PCDH15: variants seen among roughly 807,000 people sequenced by gnomAD.
PCDH15 encodes the protein protocadherin related 15, also known as protocadherin-15.
A neutral mutation model predicts 178.5 loss-of-function variants in PCDH15; 129 were observed. The observed-to-expected ratio is 0.72, with a 90% CI of 0.63 to 0.84. PCDH15 has a LOEUF of 0.84. PCDH15 is among the 40% of genes least tolerant of loss of function. The pLI is 0.00. For synonymous variants in PCDH15, 800 were observed against 732.0 expected, an observed-to-expected ratio of 1.09 and a Z score of -1.50; for missense variants, 2,230 against 2,099.9, an observed-to-expected ratio of 1.06 and a Z score of -1.21.
intron 2 of PCDH15, among the ~76,000 whole-genome samples, chr10:55,335,974 A>C (rs77040462): frequency 0.011 from 1,667 of 152,168 alleles, 33 homozygotes; most frequent in African/African-American, 0.038. Context: ...CCACAACTTT[A>C]AAAATACTTT....
At chr10:53,906,898 T>C (rs1443704453) in intron 25 of PCDH15, 1 of 152,084 alleles carries the variant, frequency 6.6e-6, no homozygotes, top group African/African-American at 2.4e-5. Context: ...GTTTGGGTCA[T>C]GTGCTTGCTC....
intron 15 of PCDH15, among the ~76,000 whole-genome samples, chr10:54,129,743 C>T (rs1038519868): frequency 1.3e-5 from 2 of 152,086 alleles, no homozygotes; most frequent in Admixed American, 6.6e-5. Context: ...ATACTGAAGT[C>T]CCACAGTGGG....
At chr10:54,762,551 T>C (rs528560771) in intron 1 of PCDH15, among the ~76,000 whole-genome samples, 3 of 152,204 alleles carry the variant, frequency 2.0e-5, no homozygotes, top group African/African-American at 4.8e-5. Context: ...CACCATACTA[T>C]TGAGATTTTA....
intron 23 of PCDH15, among the ~76,000 whole-genome samples, chr10:53,943,111 C>A (rs2086212617): frequency 6.6e-6 from 1 of 152,026 alleles, no homozygotes; most frequent in Admixed American, 6.6e-5. Context: ...TTATACTTTC[C>A]ATAATTCATC....
intron 3 of PCDH15, among the ~76,000 whole-genome samples, chr10:54,503,919 T>C (rs2080942811): frequency 1.3e-5 from 2 of 152,068 alleles, no homozygotes; most frequent in African/African-American, 4.8e-5. Flanking sequence ...GTTCCCCTGA[T>C]GCCTGAGGCC....
At chr10:54,813,535 G>C (rs2133731965) in intron 3 of PCDH15, among the ~76,000 whole-genome samples, 1 of 152,210 alleles carries the variant, frequency 6.6e-6, no homozygotes, top group South Asian at 2.1e-4. Flanking sequence ...CGGGGTGGGG[G>C]ATCACTTTCA....
At chr10:54,889,416 G>T in intron 3 of PCDH15, among the ~76,000 whole-genome samples, 1 of 150,546 alleles carries the variant, frequency 6.6e-6, no homozygotes, top group African/African-American at 2.4e-5. Context: ...CCCCAAACAC[G>T]CGCACAGAAC....
At chr10:55,506,694 G>A (rs1401806223) in intron 2 of PCDH15, among the ~76,000 whole-genome samples, 1 of 151,490 alleles carries the variant, frequency 6.6e-6, no homozygotes, top group Non-Finnish European at 1.5e-5. Flanking sequence ...ATAATTTATA[G>A]AAGTGTATAT....
At chr10:54,425,451 T>C (rs912690789) in intron 3 of PCDH15, among the ~76,000 whole-genome samples, 1 of 152,134 alleles carries the variant, frequency 6.6e-6, no homozygotes, top group African/African-American at 2.4e-5. Flanking sequence ...CCCATCGACC[T>C]TGGATTTCCA....
chr10:53,901,593 A>G (rs1417271180), intron 26 of PCDH15, among the ~76,000 whole-genome samples: 2 of 152,184 alleles, frequency 1.3e-5, no homozygotes, highest in African/African-American at 4.8e-5. Context: ...GGATGATGTC[A>G]TAACTGTTTA....
chr10:55,085,260 G>A (rs1253074155), intron 2 of PCDH15, among the ~76,000 whole-genome samples: 1 of 151,904 alleles, frequency 6.6e-6, no homozygotes, highest in African/African-American at 2.4e-5. Context: ...GCCAGGCACA[G>A]AAAGACAAAC....
At chr10:54,311,776 A>G (rs879673788) in intron 8 of PCDH15, among the ~76,000 whole-genome samples, 1 of 152,104 alleles carries the variant, frequency 6.6e-6, no homozygotes, top group Non-Finnish European at 1.5e-5. Context: ...AGTTGTTTAT[A>G]TTAGAAAACC....
At chr10:54,630,060 A>G (rs916011731) in intron 2 of PCDH15, among the ~76,000 whole-genome samples, 1 of 152,194 alleles carries the variant, frequency 6.6e-6, no homozygotes, top group Admixed American at 6.5e-5. Flanking sequence ...AAGGAGAATT[A>G]CAAAATACTG....
At chr10:53,809,439 G>A (rs1045277408) in intron 37 of PCDH15, 15 of 1,613,844 alleles carry the variant, frequency 9.3e-6, no homozygotes, top group African/African-American at 1.3e-5. Context: ...TCCATGTTGT[G>A]TATGTAGGCT....
chr10:55,381,233 T>C (rs1231004278), intron 2 of PCDH15, among the ~76,000 whole-genome samples: 1 of 152,130 alleles, frequency 6.6e-6, no homozygotes, highest in Non-Finnish European at 1.5e-5. Context: ...AAGGGTCCTG[T>C]AGACAGAATC....
chr10:54,313,678 T>TG (rs35670202), intron 8 of PCDH15, among the ~76,000 whole-genome samples: 39,353 of 152,006 alleles, frequency 0.26, 6,371 homozygotes, highest in Middle Eastern at 0.38. Context: ...ATTCAACACA[T>TG]GCAACCAGTT....
intron 2 of PCDH15, among the ~76,000 whole-genome samples, chr10:55,123,982 T>C (rs1157105376): frequency 5.3e-5 from 8 of 152,100 alleles, no homozygotes; most frequent in African/African-American, 1.2e-4. Flanking sequence ...CTGGTAACCA[T>C]AGCAGTGTCT....
chr10:55,238,450 G>A (rs1437193191), intron 1 of PCDH15, among the ~76,000 whole-genome samples: 2 of 151,790 alleles, frequency 1.3e-5, no homozygotes, highest in African/African-American at 4.8e-5. Flanking sequence ...GCGCCCGGCC[G>A]CATTCATATT....
chr10:54,655,302 G>GAGAGAGAGAGAGAC (rs2094371657), intron 2 of PCDH15, among the ~76,000 whole-genome samples: 1 of 99,666 alleles, frequency 1.0e-5, no homozygotes, highest in Non-Finnish European at 2.2e-5. Context: ...GAGAGAGAGA[G>GAGAGAGAGAGAGAC]ACAGAGAGAG....
Sources: allele counts gnomAD v4.1 joint callset (sites outside exome capture counted in the v4.1 genomes callset), GRCh38; gene constraint gnomAD v4.1.1; transcripts MANE v1.5; gene names NCBI Gene and HGNC (gene_info 2026-07-23, HGNC 2026-07-21).